Variants in OPCML observed in about 807,000 individuals in gnomAD.
The protein encoded by OPCML is opioid binding protein/cell adhesion molecule like, also known as opioid-binding protein/cell adhesion molecule.
Under a neutral mutation model 37.8 loss-of-function variants are expected in OPCML, and 13 were observed. The observed-to-expected ratio is 0.34, with a 90% CI of 0.22 to 0.55. The LOEUF (loss-of-function observed/expected upper bound fraction) is 0.55, where lower values mean the gene tolerates loss of function less well. Ranked by LOEUF, OPCML falls within the 20% of genes least tolerant of loss-of-function variation. The pLI is 0.91. For missense variants in OPCML, 341 were observed against 435.6 expected, an observed-to-expected ratio of 0.78 and a Z score of 1.93; for synonymous variants, 176 against 168.8, an observed-to-expected ratio of 1.04 and a Z score of -0.33.
chr11:133,298,314 G>C (rs1468841371), intron 1 of OPCML: 1 of 152,098 alleles, frequency 6.6e-6, no homozygotes, highest in African/African-American at 2.4e-5. Context: ...GATAAATTCA[G>C]GAAGAGAGGG....
intron 1 of OPCML, among the ~76,000 whole-genome samples, chr11:133,463,969 C>T (rs963810673): frequency 7.4e-6 from 1 of 135,660 alleles, no homozygotes; most frequent in African/African-American, 3.8e-5. Flanking sequence ...TCTATTAATT[C>T]TTTTTTTCCC....
intron 2 of OPCML, among the ~76,000 whole-genome samples, chr11:132,919,332 T>A (rs1007783702): frequency 6.6e-6 from 1 of 152,084 alleles, no homozygotes; most frequent in African/African-American, 2.4e-5. Context: ...TGTGAGAAAT[T>A]CACATGTGCA....
At chr11:132,665,216 G>T (rs895473803) in intron 2 of OPCML, among the ~76,000 whole-genome samples, 1 of 152,190 alleles carries the variant, frequency 6.6e-6, no homozygotes, top group Non-Finnish European at 1.5e-5. Context: ...AAGGGAGGTT[G>T]CAGGCTTTCC....
intron 1 of OPCML, among the ~76,000 whole-genome samples, chr11:133,075,967 G>T (rs1020666353): frequency 1.3e-5 from 2 of 152,106 alleles, no homozygotes; most frequent in African/African-American, 2.4e-5. Context: ...TGACTTAAAG[G>T]ATATAAAATA....
chr11:133,045,169 G>A (rs1357009362), intron 1 of OPCML, among the ~76,000 whole-genome samples: 1 of 152,112 alleles, frequency 6.6e-6, no homozygotes, highest in Non-Finnish European at 1.5e-5. Context: ...TGGGGTTCCC[G>A]AAGCAATTCC....
chr11:132,979,182 T>A (rs2136782978), intron 1 of OPCML, among the ~76,000 whole-genome samples: 1 of 152,242 alleles, frequency 6.6e-6, no homozygotes, highest in South Asian at 2.1e-4. Context: ...ACCACCTCTG[T>A]CTCACACCCG....
At position 133,004,520 on chromosome 11, in the gene OPCML, C is replaced by T. The variant is rs576523137; in HGVS notation, c.62-61510G>A. 5.8e-5 allele frequency: 57 copies of T among 985,422 alleles called. No homozygotes were observed. In the South Asian group the frequency reaches 1.7e-3, roughly 30 times the overall value. The allele number at this position is 985,422 out of a possible 1,614,324, so 61.0% of individuals were successfully genotyped here. ...GATGCCCTCTGCAGACGACCGAGGTCGGCCTTGGCCATGCACCTCTTGGCC... is the reference window on the plus strand; with the variant it reads ...GATGCCCTCTGCAGACGACCGAGGTTGGCCTTGGCCATGCACCTCTTGGCC... On this transcript the variant is annotated intron_variant, in intron 1 of 7. Coordinates refer to ENST00000524381, the MANE Select transcript of OPCML (RefSeq NM_001012393.5).
chr11:133,259,982 CA>C (rs1941439329), intron 1 of OPCML, among the ~76,000 whole-genome samples: 1 of 152,122 alleles, frequency 6.6e-6, no homozygotes, highest in African/African-American at 2.4e-5. Context: ...ATAGAGAAAT[CA>C]ATCTGAATAA....
chr11:133,015,158 A>C (rs1947296763), intron 1 of OPCML, among the ~76,000 whole-genome samples: 1 of 152,200 alleles, frequency 6.6e-6, no homozygotes, highest in African/African-American at 2.4e-5. Context: ...CCAGATAGAT[A>C]GGCAGGTTGG....
chr11:132,704,282 A>C (rs556554563), intron 2 of OPCML, among the ~76,000 whole-genome samples: 2 of 152,354 alleles, frequency 1.3e-5, no homozygotes, highest in South Asian at 4.1e-4. Context: ...TTTCTGAAGA[A>C]GTTACCTGAG....
chr11:132,947,624 T>C (rs1945773224), intron 1 of OPCML, among the ~76,000 whole-genome samples: 2 of 152,202 alleles, frequency 1.3e-5, no homozygotes, highest in African/African-American at 2.4e-5. Flanking sequence ...AATATAAGGC[T>C]GAGACCAAAT....
At chr11:133,027,645 G>A (rs1947583747) in intron 1 of OPCML, among the ~76,000 whole-genome samples, 1 of 147,290 alleles carries the variant, frequency 6.8e-6, no homozygotes, top group Non-Finnish European at 1.5e-5. Flanking sequence ...TGTGTATAAT[G>A]TGATGCATGT....
chr11:132,784,586 T>A (rs1046200727), intron 2 of OPCML, among the ~76,000 whole-genome samples: 4 of 152,060 alleles, frequency 2.6e-5, no homozygotes, highest in Middle Eastern at 6.8e-3. Flanking sequence ...GAATGCTTTG[T>A]CCCCCCCACC....
At chr11:133,138,030 G>A (rs1949716882) in intron 1 of OPCML, among the ~76,000 whole-genome samples, 1 of 152,194 alleles carries the variant, frequency 6.6e-6, no homozygotes, top group Non-Finnish European at 1.5e-5. Context: ...CAATGTGGCA[G>A]TGTTGGAAAG....
intron 1 of OPCML, among the ~76,000 whole-genome samples, chr11:133,490,039 A>G (rs1170070383): frequency 6.6e-6 from 1 of 152,200 alleles, no homozygotes; most frequent in Non-Finnish European, 1.5e-5. Flanking sequence ...AGATTTAGGT[A>G]CCTCATACCA....
chr11:133,029,700 T>C (rs1325521944), intron 1 of OPCML, among the ~76,000 whole-genome samples: 2 of 151,926 alleles, frequency 1.3e-5, no homozygotes, highest in Admixed American at 6.5e-5. Context: ...ACGGGAACAA[T>C]AGACTCTAGG....
At chr11:132,449,582 G>T (rs888434842) in intron 4 of OPCML, among the ~76,000 whole-genome samples, 16 of 152,266 alleles carry the variant, frequency 1.1e-4, no homozygotes, top group South Asian at 8.3e-4. Context: ...GAAAGGGGCT[G>T]CCAGGACAGT....
At chr11:132,803,980 G>A (rs568279030) in intron 2 of OPCML, among the ~76,000 whole-genome samples, 1 of 152,136 alleles carries the variant, frequency 6.6e-6, no homozygotes, top group Non-Finnish European at 1.5e-5. Context: ...GAATCCTTGA[G>A]ACACATTACA....
intron 3 of OPCML, among the ~76,000 whole-genome samples, chr11:132,605,124 C>G (rs926754239): frequency 2.0e-5 from 3 of 152,170 alleles, no homozygotes. Flanking sequence ...TTTCTCTGAG[C>G]TTAAGTGTCC....
Sources: gnomAD v4.1 joint callset for allele counts (sites outside exome capture counted in the v4.1 genomes callset) on GRCh38, gnomAD v4.1.1 for gene constraint, MANE v1.5 for transcripts, NCBI Gene and HGNC (gene_info 2026-07-23, HGNC 2026-07-21) for gene names.